The following TBC1D32 variants were observed in gnomAD, a reference collection of about 807,000 sequenced individuals.
The protein encoded by TBC1D32 is protein broad-minded.
In TBC1D32, 151 loss-of-function variants were observed where a neutral mutation model predicts 170.3. The observed-to-expected ratio is 0.89, with a 90% CI of 0.78 to 1.01. The LOEUF (loss-of-function observed/expected upper bound fraction) is 1.01, where lower values mean the gene tolerates loss of function less well. Ranked by LOEUF, TBC1D32 falls within the 50% of genes least tolerant of loss-of-function variation. The pLI is 0.00. For synonymous variants in TBC1D32, 498 were observed against 488.0 expected (o/e 1.02, Z -0.27); for missense variants, 1,464 against 1,457.1 (o/e 1.00, Z -0.08).
At chr6:121,277,189 G>C (rs1329245795) in intron 15 of TBC1D32, among the ~76,000 whole-genome samples, 1 of 152,122 alleles carries the variant, frequency 6.6e-6, no homozygotes, top group Non-Finnish European at 1.5e-5. Flanking sequence ...TGTGCTGTCA[G>C]ATCTGTAAAA....
intron 26 of TBC1D32, among the ~76,000 whole-genome samples, chr6:121,121,939 T>C (rs1247581171): frequency 6.6e-6 from 1 of 151,974 alleles, no homozygotes; most frequent in Non-Finnish European, 1.5e-5. Flanking sequence ...AGCCCACACT[T>C]TTCCTCTAAA....
intron 30 of TBC1D32, among the ~76,000 whole-genome samples, chr6:121,102,986 C>T (rs1778290318): frequency 6.6e-6 from 1 of 152,122 alleles, no homozygotes; most frequent in Non-Finnish European, 1.5e-5. Flanking sequence ...TGAAAAACTG[C>T]TCATCATCAC....
At chr6:121,136,609 T>C (rs539375478) in intron 24 of TBC1D32, among the ~76,000 whole-genome samples, 154 of 152,198 alleles carry the variant, frequency 1.0e-3, no homozygotes, top group Admixed American at 3.1e-3. Context: ...CCCTGACTTA[T>C]AGTAACGAAA....
intron 1 of TBC1D32, among the ~76,000 whole-genome samples, chr6:121,330,950 T>C (rs959309823): frequency 6.6e-6 from 1 of 152,160 alleles, no homozygotes; most frequent in African/African-American, 2.4e-5. Context: ...CTTGGATCTT[T>C]TAGAGAGTGT....
chr6:121,311,406 T>C (rs1808175928), intron 3 of TBC1D32, among the ~76,000 whole-genome samples: 1 of 152,124 alleles, frequency 6.6e-6, no homozygotes, highest in East Asian at 1.9e-4. Context: ...TAAACATGTA[T>C]AATATCTAAA....
At chr6:121,086,866 T>A (rs957165158) in intron 31 of TBC1D32, among the ~76,000 whole-genome samples, 1 of 152,220 alleles carries the variant, frequency 6.6e-6, no homozygotes, top group Admixed American at 6.5e-5. Flanking sequence ...TTTGTGTGTG[T>A]GTATGCGCGC....
chr6:121,334,574 C>T (rs986774978), upstream of TBC1D32: 1 of 921,366 alleles, frequency 1.1e-6, no homozygotes, highest in Non-Finnish European at 1.6e-6. Context: ...TGTGCCTGCG[C>T]CCTCAGCTGC....
intron 22 of TBC1D32, among the ~76,000 whole-genome samples, chr6:121,172,785 G>C (rs114794711): frequency 0.012 from 1,889 of 152,202 alleles, 38 homozygotes; most frequent in African/African-American, 0.043. Flanking sequence ...ATCATGTGAC[G>C]TAGAGTTATT....
intron 14 of TBC1D32, among the ~76,000 whole-genome samples, chr6:121,280,916 C>T (rs1802899330): frequency 6.6e-6 from 1 of 151,854 alleles, no homozygotes; most frequent in South Asian, 2.1e-4. Context: ...TGCCCAGAAG[C>T]TTAAGTCATA....
Position 121,303,672 on chromosome 6 carries a change from GGATCCAAAATCTTTTGT to G in TBC1D32, c.1008_1024del (p.Gln337AspfsTer8). On this transcript the variant is annotated frameshift_variant, in exon 9 of 32. Coordinates refer to ENST00000398212, the MANE Select transcript of TBC1D32 (RefSeq NM_152730.6). LOFTEE classifies it high-confidence loss of function. ...ATCAACTAATGCAAAAAAGTAGATCGGATCCAAAATCTTTTGTGAGACAACATGGCTTTGATTATGTT... is the reference window on the plus strand; with the variant it reads ...ATCAACTAATGCAAAAAAGTAGATCGGAGACAACATGGCTTTGATTATGTT... 1 of 1,597,012 alleles carries G rather than the reference GGATCCAAAATCTTTTGT, an allele frequency of 6.3e-7. No individual in the cohort carries two copies. The highest frequency in any genetic ancestry group is 8.6e-7 in the Non-Finnish European group (1 of 1,168,706).
chr6:121,261,687 A>C (rs1799789775), intron 15 of TBC1D32, among the ~76,000 whole-genome samples: 2 of 152,212 alleles, frequency 1.3e-5, no homozygotes, highest in Non-Finnish European at 2.9e-5. Context: ...TCAATGAAAA[A>C]AATGCTGAAA....
Position 121,126,370 on chromosome 6 carries a change from A to G in TBC1D32, c.2983+8T>C. On this transcript the variant is annotated splice_region_variant and intron_variant, in intron 26 of 31. Transcript: ENST00000398212. ...TCTTTTTCAAACTTCACAATGTTTA[A>G]AATGTACCTGTATACTCCACTGAAG... is the stretch of plus-strand genomic sequence containing the variant. 6.2e-7 allele frequency: 1 copy of G among 1,601,156 alleles called. No homozygotes were observed. Among genetic ancestry groups the G allele is most frequent in the South Asian group, 1.1e-5 (1 of 89,132 alleles).
intron 30 of TBC1D32, among the ~76,000 whole-genome samples, chr6:121,102,794 G>A (rs1433980109): frequency 2.0e-5 from 3 of 152,096 alleles, no homozygotes; most frequent in Non-Finnish European, 2.9e-5. Context: ...CCATCAGAGT[G>A]AACAGGCAAC....
chr6:121,120,770 T>C (rs1443191716), intron 26 of TBC1D32, among the ~76,000 whole-genome samples: 1 of 152,040 alleles, frequency 6.6e-6, no homozygotes, highest in African/African-American at 2.4e-5. Flanking sequence ...CTCAACATAA[T>C]ACCTAATTTA....
At position 121,260,775 on chromosome 6, in the gene TBC1D32, G is replaced by A. The variant is rs574397080; in HGVS notation, c.1734-4490C>T. Among the ~76,000 whole-genome samples the A allele has an allele frequency of 2.0e-5, 3 of 152,314 alleles. No individual in the cohort carries two copies. In the East Asian group the frequency reaches 5.8e-4, roughly 29 times the overall value. On this transcript the variant is annotated intron_variant, in intron 15 of 31. Transcript: ENST00000398212. Reference sequence around the variant, plus strand: ...GGCCTGCCAAGTTCCTGGAGGGAGGGGTGGCCATCACCACTGCTGCTGCTG... The same window carrying A: ...GGCCTGCCAAGTTCCTGGAGGGAGGAGTGGCCATCACCACTGCTGCTGCTG...
chr6:121,081,182 TATC>T lies in TBC1D32; in HGVS notation c.3655-295_3655-293del, dbSNP rs1775612365. Among the ~76,000 whole-genome samples the T allele has an allele frequency of 2.0e-5, 3 of 152,346 alleles. No homozygotes were observed. The South Asian group carries it at 6.2e-4, about 32-fold the overall frequency. On this transcript the variant is annotated intron_variant, in intron 31 of 31. Transcript: ENST00000398212. ...GAAATCTTTCTAATTTTAAATATAGTATCATGTTATACAATGATTGTTCAAATT... is the reference window on the plus strand; with the variant it reads ...GAAATCTTTCTAATTTTAAATATAGTATGTTATACAATGATTGTTCAAATT...
intron 26 of TBC1D32, among the ~76,000 whole-genome samples, chr6:121,116,888 A>G (rs1377321796): frequency 1.3e-5 from 2 of 152,208 alleles, no homozygotes; most frequent in East Asian, 3.8e-4. Context: ...CTAAAACTTT[A>G]TGACAGTGTA....
At chr6:121,155,332 C>T (rs1784748657) in intron 24 of TBC1D32, among the ~76,000 whole-genome samples, 1 of 151,980 alleles carries the variant, frequency 6.6e-6, no homozygotes, top group African/African-American at 2.4e-5. Flanking sequence ...GAAAAGCTGA[C>T]TTTTGTTCAT....
intron 1 of TBC1D32, among the ~76,000 whole-genome samples, chr6:121,327,614 G>A (rs571238301): frequency 6.6e-6 from 1 of 152,310 alleles, no homozygotes; most frequent in African/African-American, 2.4e-5. Flanking sequence ...AGCAAGCCAT[G>A]TATGAGAGAG....
Sources: allele counts gnomAD v4.1 joint callset (sites outside exome capture counted in the v4.1 genomes callset), GRCh38; gene constraint gnomAD v4.1.1; transcripts MANE v1.5; gene names NCBI Gene and HGNC (gene_info 2026-07-23, HGNC 2026-07-21).